CLDN10: variants seen among roughly 807,000 people sequenced by gnomAD.
The protein encoded by CLDN10 is claudin 10.
Under a neutral mutation model 22.9 loss-of-function variants are expected in CLDN10, and 15 were observed. The observed-to-expected ratio is 0.65, with a 90% CI of 0.44 to 1.01. The LOEUF is 1.01. Ranked by LOEUF, CLDN10 falls within the 50% of genes least tolerant of loss-of-function variation. CLDN10 has a pLI of 0.00. For missense variants in CLDN10, 247 were observed against 287.8 expected (o/e 0.86, Z 1.03); for synonymous variants, 114 against 111.4 (o/e 1.02, Z -0.15).
At chr13:95,459,311 G>C (rs945348745) in intron 1 of CLDN10, among the ~76,000 whole-genome samples, 1 of 152,170 alleles carries the variant, frequency 6.6e-6, no homozygotes, top group Admixed American at 6.5e-5. Context: ...CCCTAGTAGG[G>C]ACTCTGTGTG....
chr13:95,435,928 T>A (rs909038701), intron 1 of CLDN10, among the ~76,000 whole-genome samples: 3 of 151,632 alleles, frequency 2.0e-5, no homozygotes, highest in African/African-American at 7.3e-5. Flanking sequence ...AATGCTGAGA[T>A]TATAGGCCTG....
chr13:95,437,617 G>A (rs1566644553), intron 1 of CLDN10, among the ~76,000 whole-genome samples: 1 of 152,148 alleles, frequency 6.6e-6, no homozygotes. Context: ...GCTGGGTTCC[G>A]GATATATAGC....
chr13:95,449,524 T>C (rs1340730062), intron 1 of CLDN10, among the ~76,000 whole-genome samples: 1 of 152,126 alleles, frequency 6.6e-6, no homozygotes, highest in African/African-American at 2.4e-5. Flanking sequence ...GTGCTGGGAT[T>C]ACAGGCATAA....
At chr13:95,500,913 G>A (rs2042977709) in intron 1 of CLDN10, among the ~76,000 whole-genome samples, 1 of 152,154 alleles carries the variant, frequency 6.6e-6, no homozygotes, top group Admixed American at 6.5e-5. Flanking sequence ...AAATTGAACT[G>A]AGCAAAAGGA....
intron 1 of CLDN10, among the ~76,000 whole-genome samples, chr13:95,475,843 T>C (rs2042681156): frequency 6.6e-6 from 1 of 151,594 alleles, no homozygotes; most frequent in Admixed American, 6.6e-5. Context: ...TCCCTCTCTC[T>C]CTCTCTCTCC....
chr13:95,554,849 G>A (rs2043613491), intron 1 of CLDN10, among the ~76,000 whole-genome samples: 1 of 152,044 alleles, frequency 6.6e-6, no homozygotes, highest in Non-Finnish European at 1.5e-5. Flanking sequence ...TGTTGGTGGT[G>A]CTTTACTGAA....
chr13:95,456,761 G>A (rs1380260848), intron 1 of CLDN10, among the ~76,000 whole-genome samples: 3 of 152,158 alleles, frequency 2.0e-5, no homozygotes, highest in African/African-American at 4.8e-5. Flanking sequence ...TGCACAAAAC[G>A]AAACAAAACA....
At chr13:95,508,338 A>C (rs951033919) in intron 1 of CLDN10, among the ~76,000 whole-genome samples, 2 of 152,144 alleles carry the variant, frequency 1.3e-5, no homozygotes, top group African/African-American at 4.8e-5. Context: ...CTGTCTAAGA[A>C]TGTTTCATCT....
chr13:95,478,751 C>T (rs990740982), intron 1 of CLDN10, among the ~76,000 whole-genome samples: 1 of 152,176 alleles, frequency 6.6e-6, no homozygotes, highest in Non-Finnish European at 1.5e-5. Flanking sequence ...CATTAAGGTT[C>T]CGCGTTCATC....
chr13:95,506,870 G>A (rs564250923), intron 1 of CLDN10, among the ~76,000 whole-genome samples: 3 of 152,174 alleles, frequency 2.0e-5, no homozygotes, highest in South Asian at 2.1e-4. Flanking sequence ...CACTCACACC[G>A]ATGCATGGGG....
chr13:95,439,677 C>A (rs932179174), intron 1 of CLDN10, among the ~76,000 whole-genome samples: 3 of 152,026 alleles, frequency 2.0e-5, no homozygotes, highest in African/African-American at 7.2e-5. Context: ...TTCATGAGGG[C>A]TCTGCCTTCC....
At chr13:95,547,944 C>A (rs559337593), upstream of CLDN10, among the ~76,000 whole-genome samples, 2 of 152,300 alleles carry the variant, frequency 1.3e-5, no homozygotes, top group African/African-American at 4.8e-5. Flanking sequence ...TGCTACTCTC[C>A]TCTCCTTGAT....
intron 3 of CLDN10, among the ~76,000 whole-genome samples, chr13:95,570,242 C>G (rs1041693041): frequency 3.9e-5 from 6 of 152,106 alleles, no homozygotes; most frequent in South Asian, 2.1e-4. Context: ...GCATGTAAAC[C>G]TGTTATTGTG....
chr13:95,487,762 C>A (rs2042819945), intron 1 of CLDN10, among the ~76,000 whole-genome samples: 1 of 151,766 alleles, frequency 6.6e-6, no homozygotes, highest in East Asian at 1.9e-4. Context: ...GCAGCCTTGA[C>A]CTCCCAGATT....
chr13:95,557,239 G>T (rs1467806176), intron 1 of CLDN10, among the ~76,000 whole-genome samples: 1 of 152,228 alleles, frequency 6.6e-6, no homozygotes, highest in Non-Finnish European at 1.5e-5. Context: ...CAGTAAATTA[G>T]ACCTGTCAAA....
intron 1 of CLDN10, among the ~76,000 whole-genome samples, chr13:95,554,490 C>A (rs1009339342): frequency 6.6e-6 from 1 of 152,000 alleles, no homozygotes; most frequent in Non-Finnish European, 1.5e-5. Flanking sequence ...GGAGGTGGTA[C>A]CATACCTGTT....
At chr13:95,525,204 G>A (rs2043268463) in intron 1 of CLDN10, among the ~76,000 whole-genome samples, 1 of 152,040 alleles carries the variant, frequency 6.6e-6, no homozygotes, top group African/African-American at 2.4e-5. Flanking sequence ...GTTTGAAATG[G>A]TAACTCATTA....
chr13:95,501,652 T>C (rs958695977), intron 1 of CLDN10, among the ~76,000 whole-genome samples: 4 of 152,238 alleles, frequency 2.6e-5, no homozygotes, highest in Non-Finnish European at 5.9e-5. Flanking sequence ...TTTGAACTTG[T>C]CTGTTTCTTT....
intron 1 of CLDN10, among the ~76,000 whole-genome samples, chr13:95,473,479 G>A (rs767023983): frequency 6.6e-6 from 1 of 152,232 alleles, no homozygotes; most frequent in Non-Finnish European, 1.5e-5. Flanking sequence ...TGATGAGGAT[G>A]GGGGGCCAGG....
Sources: allele counts gnomAD v4.1 joint callset (sites outside exome capture counted in the v4.1 genomes callset), GRCh38; gene constraint gnomAD v4.1.1; transcripts MANE v1.5; gene names NCBI Gene and HGNC (gene_info 2026-07-23, HGNC 2026-07-21).